Variants in CD9 observed in about 807,000 individuals in gnomAD.
CD9 encodes the protein CD9 molecule.
A neutral mutation model predicts 31.4 loss-of-function variants in CD9; 10 were observed. The observed-to-expected ratio is 0.32, with a 90% CI of 0.20 to 0.54. The LOEUF (loss-of-function observed/expected upper bound fraction) is 0.54. Among genes scored for constraint, CD9 ranks in the 20% least tolerant of loss-of-function variants. The pLI is 0.94. For missense variants in CD9, 259 were observed against 300.1 expected, an observed-to-expected ratio of 0.86 and a Z score of 1.01; for synonymous variants, 113 against 114.1, an observed-to-expected ratio of 0.99 and a Z score of 0.06.
At chr12:6,233,060 C>G in intron 3 of CD9, 1 of 702,360 alleles carries the variant, frequency 1.4e-6, no homozygotes, top group Non-Finnish European at 2.6e-6. Context: ...TTTCCGAACT[C>G]CACGGAGTGG....
At chr12:6,210,154 T>C (rs1352890972) in intron 1 of CD9, among the ~76,000 whole-genome samples, 1 of 151,826 alleles carries the variant, frequency 6.6e-6, no homozygotes, top group Non-Finnish European at 1.5e-5. Context: ...GTCATCTTGT[T>C]CTGCCCTTTG....
chr12:6,217,370 G>GAA (rs1299635250), intron 1 of CD9, among the ~76,000 whole-genome samples: 1 of 147,728 alleles, frequency 6.8e-6, no homozygotes, highest in African/African-American at 2.5e-5. Context: ...AAAAAAATAA[G>GAA]AAAAAAAAAA....
intron 4 of CD9, among the ~76,000 whole-genome samples, chr12:6,234,642 C>T (rs1946492463): frequency 6.6e-6 from 1 of 152,220 alleles, no homozygotes. Flanking sequence ...TTGGGATGCG[C>T]CAGGCGCAGG....
At position 6,237,771 on chromosome 12, in the gene CD9, C is replaced by G. The variant is rs771093583; in HGVS notation, c.630C>G (p.Gly210=). ...GIGIAVVMIF[G]MIFSMILCCA... ...TTCTTCCTATCTCCTAGATATTTGG[C>G]ATGATCTTCAGTATGATCTTGTGCT... Residue 210 remains glycine, a synonymous_variant, in exon 8 of 8, where the codon GGC becomes GGG. Coordinates refer to ENST00000009180, the MANE Select transcript of CD9 (RefSeq NM_001769.4). 2 of 1,612,144 alleles carry G rather than the reference C, an allele frequency of 1.2e-6. No individual in the cohort carries two copies. Among genetic ancestry groups the G allele is most frequent in the Admixed American group, 3.3e-5 (2 of 59,962 alleles).
intron 1 of CD9, among the ~76,000 whole-genome samples, chr12:6,213,786 C>T (rs1946215932): frequency 6.6e-6 from 1 of 152,170 alleles, no homozygotes; most frequent in African/African-American, 2.4e-5. Flanking sequence ...CTCCCAGCCT[C>T]AATGGCGGGA....
Position 6,232,324 on chromosome 12 carries a change from G to A in CD9, c.176-308G>A. On this transcript the variant is annotated intron_variant, in intron 2 of 7. Coordinates refer to ENST00000009180, the MANE Select transcript of CD9 (RefSeq NM_001769.4). The surrounding 1 kb of genome is among the most constrained non-coding windows in gnomAD (Gnocchi z 4.8). ...TGGACCAGTTTGCATTCCGAATGTAGGGATTCCCGTGGATATTCTCTGTCC... is the reference window on the plus strand; with the variant it reads ...TGGACCAGTTTGCATTCCGAATGTAAGGATTCCCGTGGATATTCTCTGTCC... The A allele has an allele frequency of 4.4e-6, 2 of 455,572 alleles. No homozygotes were observed. The highest frequency in any genetic ancestry group is 8.9e-5 in the East Asian group (2 of 22,508). The allele number at this position is 455,572 out of a possible 1,614,324, so 28.2% of individuals were successfully genotyped here. A position where few individuals can be genotyped will look rare whatever the true frequency, so the allele number is the denominator to read the frequency against.
rs1331210481 is a variant in CD9 at position 6,202,068 on chromosome 12, TC to T, written c.66+1508del. Among the ~76,000 whole-genome samples the T allele has an allele frequency of 2.0e-5, 3 of 151,970 alleles. No homozygotes were observed. In the East Asian group the frequency reaches 5.8e-4, roughly 29 times the overall value. ...GTAGAAAAGAAACAAATGCACTTAT[TC>T]CCCCTGGAGCTGGTCACTGAGGTCC... On this transcript the variant is annotated intron_variant, in intron 1 of 7. Coordinates refer to ENST00000009180, the MANE Select transcript of CD9 (RefSeq NM_001769.4).
chr12:6,237,926 T>G lies in CD9; in HGVS notation c.*98T>G. Reference sequence around the variant, plus strand: ...TTTGTTTGTTGTTTGTTGTTTGTTTTTTTGCCACTAATTTTAGTATTCATT... The same window carrying G: ...TTTGTTTGTTGTTTGTTGTTTGTTTGTTTGCCACTAATTTTAGTATTCATT... On this transcript the variant is annotated 3_prime_UTR_variant, in exon 8 of 8. Transcript: ENST00000009180. 1.1e-6 allele frequency: 1 copy of G among 921,532 alleles called. No individual in the cohort carries two copies. Among genetic ancestry groups the G allele is most frequent in the Non-Finnish European group, 1.7e-6 (1 of 575,966 alleles). 57.1% of individuals were successfully genotyped at this position (921,532 alleles called of 1,614,324 possible).
At chr12:6,237,261 C>T (rs554572118) in intron 7 of CD9, among the ~76,000 whole-genome samples, 9 of 152,290 alleles carry the variant, frequency 5.9e-5, no homozygotes, top group Non-Finnish European at 1.2e-4. Context: ...AGGCGTGAGC[C>T]ACTGTGCCCA....
At chr12:6,215,883 G>A (rs1275314718) in intron 1 of CD9, among the ~76,000 whole-genome samples, 2 of 152,228 alleles carry the variant, frequency 1.3e-5, no homozygotes, top group African/African-American at 2.4e-5. Context: ...TGATTACAGC[G>A]GAGTTTTGGT....
chr12:6,224,409 C>A (rs929146862), intron 1 of CD9, among the ~76,000 whole-genome samples: 1 of 152,084 alleles, frequency 6.6e-6, no homozygotes, highest in African/African-American at 2.4e-5. Flanking sequence ...CTGGGTGGCC[C>A]TTCCCACTAT....
chr12:6,236,383 G>C, intron 7 of CD9, 108 bp downstream of exon 7: 1 of 939,936 alleles, frequency 1.1e-6, no homozygotes, highest in Non-Finnish European at 1.7e-6. Flanking sequence ...AACTCACTTT[G>C]TCCTCGTGCC....
At chr12:6,230,116 A>T (rs576387419) in intron 2 of CD9, among the ~76,000 whole-genome samples, 1 of 152,162 alleles carries the variant, frequency 6.6e-6, no homozygotes, top group Non-Finnish European at 1.5e-5. Flanking sequence ...CGTGACTTCC[A>T]TGGGGCCTGC....
chr12:6,211,889 C>T (rs1946197430), intron 1 of CD9, among the ~76,000 whole-genome samples: 1 of 152,268 alleles, frequency 6.6e-6, no homozygotes, highest in East Asian at 1.9e-4. Context: ...CCCAATCAGC[C>T]CCAACATCCT....
intron 2 of CD9, among the ~76,000 whole-genome samples, chr12:6,229,576 T>G (rs759565662): frequency 4.6e-5 from 7 of 152,162 alleles, no homozygotes; most frequent in Non-Finnish European, 8.8e-5. Flanking sequence ...TTTGAACACC[T>G]GGTGGAGTTA....
chr12:6,223,177 C>T (rs1325097126), intron 1 of CD9, among the ~76,000 whole-genome samples: 1 of 152,096 alleles, frequency 6.6e-6, no homozygotes, highest in Non-Finnish European at 1.5e-5. Context: ...TCCAGGAGGC[C>T]AGCAGCTTCA....
At chr12:6,233,997 T>G (rs1267434894) in intron 4 of CD9, among the ~76,000 whole-genome samples, 1 of 148,314 alleles carries the variant, frequency 6.7e-6, no homozygotes, top group Non-Finnish European at 1.5e-5. Flanking sequence ...GACATGAAAT[T>G]GATAAGGGTC....
chr12:6,233,807 A>C (rs755413341), intron 4 of CD9, among the ~76,000 whole-genome samples: 5 of 151,578 alleles, frequency 3.3e-5, no homozygotes, highest in Non-Finnish European at 7.4e-5. Flanking sequence ...TAGAAAGATT[A>C]CTCAGGAAAT....
At chr12:6,223,967 G>A (rs188212378) in intron 1 of CD9, among the ~76,000 whole-genome samples, 1 of 152,318 alleles carries the variant, frequency 6.6e-6, no homozygotes, top group East Asian at 1.9e-4. Context: ...TTGTGCCTGT[G>A]TGAGTTTTTC....
Sources: allele counts gnomAD v4.1 joint callset (sites outside exome capture counted in the v4.1 genomes callset), GRCh38; gene constraint gnomAD v4.1.1; non-coding constraint Gnocchi (gnomAD v3.1); transcripts MANE v1.5; gene names NCBI Gene and HGNC (gene_info 2026-07-23, HGNC 2026-07-21).